LYPD6B: variants seen among roughly 807,000 people sequenced by gnomAD.
The protein encoded by LYPD6B is LY6/PLAUR domain containing 6B.
A neutral mutation model predicts 22.8 loss-of-function variants in LYPD6B; 17 were observed. The observed-to-expected ratio is 0.75, with a 90% CI of 0.51 to 1.12. The LOEUF (loss-of-function observed/expected upper bound fraction) is 1.12. Ranked by LOEUF, LYPD6B falls within the 50% of genes most tolerant of loss-of-function variation. The pLI, the probability that LYPD6B is intolerant of heterozygous loss-of-function variation, is 0.00. For missense variants in LYPD6B, 221 were observed against 258.3 expected (o/e 0.86, Z 0.99); for synonymous variants, 106 against 91.6 (o/e 1.16, Z -0.90).
At chr2:149,063,114 A>T (rs1372180089) in intron 1 of LYPD6B, among the ~76,000 whole-genome samples, 2 of 152,168 alleles carry the variant, frequency 1.3e-5, no homozygotes, top group African/African-American at 2.4e-5. Context: ...TAGAAACCTA[A>T]CAAGTGCAAA....
intron 2 of LYPD6B, among the ~76,000 whole-genome samples, chr2:149,139,413 C>G (rs1688554886): frequency 6.6e-6 from 1 of 152,348 alleles, no homozygotes; most frequent in African/African-American, 2.4e-5. Context: ...CAGATATAAT[C>G]TGCCGCTTCA....
intron 3 of LYPD6B, among the ~76,000 whole-genome samples, chr2:149,171,612 A>T (rs1690830124): frequency 6.6e-6 from 1 of 151,820 alleles, no homozygotes; most frequent in Non-Finnish European, 1.5e-5. Flanking sequence ...AGAGGAAAGG[A>T]GTATATGGAA....
chr2:149,175,053 C>CTGTGTG (rs1347438901), intron 3 of LYPD6B, among the ~76,000 whole-genome samples: 1 of 133,854 alleles, frequency 7.5e-6, no homozygotes, highest in Non-Finnish European at 1.6e-5. Flanking sequence ...CTCTCTCTCT[C>CTGTGTG]TCTCTCTCTG....
chr2:149,143,762 A>G (rs1344254165), intron 2 of LYPD6B: 1 of 152,236 alleles, frequency 6.6e-6, no homozygotes, highest in Admixed American at 6.5e-5. Context: ...AGAATATTTA[A>G]CAGATTTCTT....
intron 1 of LYPD6B, among the ~76,000 whole-genome samples, chr2:149,093,695 A>T (rs2105451586): frequency 6.6e-6 from 1 of 152,326 alleles, no homozygotes; most frequent in South Asian, 2.1e-4. Flanking sequence ...CGTTAGAAAC[A>T]ATTTGTGGTT....
At position 149,163,361 on chromosome 2, in the gene LYPD6B, C is replaced by T. The variant is rs554714064; in HGVS notation, c.77+2526C>T. ...ACTTTTATATAATTCTTGCCATTCC[C>T]GCCTCTGCACCCTCAACAAACTTCT... On this transcript the variant is annotated intron_variant, in intron 3 of 6. Coordinates refer to ENST00000409642, the MANE Select transcript of LYPD6B (RefSeq NM_177964.5). Among the ~76,000 whole-genome samples, 5 of 152,170 alleles carry T rather than the reference C, an allele frequency of 3.3e-5. No individual in the cohort carries two copies. In the East Asian group the frequency reaches 5.8e-4, roughly 18 times the overall value.
chr2:149,104,553 T>C (rs1328765699), intron 1 of LYPD6B, among the ~76,000 whole-genome samples: 1 of 152,232 alleles, frequency 6.6e-6, no homozygotes, highest in Admixed American at 6.5e-5. Context: ...TGTCTGCCCA[T>C]TTAAAAATTT....
At chr2:149,093,143 A>T (rs1208115240) in intron 1 of LYPD6B, among the ~76,000 whole-genome samples, 1 of 152,216 alleles carries the variant, frequency 6.6e-6, no homozygotes, top group African/African-American at 2.4e-5. Context: ...GGCAGGGAGC[A>T]GAGGAAGACA....
At chr2:149,120,383 A>ATATTTTTT (rs1327065975) in intron 1 of LYPD6B, among the ~76,000 whole-genome samples, 8 of 48,612 alleles carry the variant, frequency 1.6e-4, no homozygotes, top group East Asian at 1.5e-3. Flanking sequence ...ATATATATAT[A>ATATTTTTT]TTTTTTTTTT....
intron 1 of LYPD6B, among the ~76,000 whole-genome samples, chr2:149,053,383 C>T (rs964504755): frequency 2.0e-5 from 3 of 152,102 alleles, no homozygotes; most frequent in African/African-American, 7.2e-5. Flanking sequence ...TATTTTGATA[C>T]TATAAACAAC....
chr2:149,084,580 G>A (rs913352509), intron 1 of LYPD6B, among the ~76,000 whole-genome samples: 1 of 152,206 alleles, frequency 6.6e-6, no homozygotes, highest in Non-Finnish European at 1.5e-5. Context: ...TGTGGAGAAT[G>A]CATTAAGAAA....
At chr2:149,108,618 A>G (rs1686611761) in intron 1 of LYPD6B, among the ~76,000 whole-genome samples, 1 of 152,314 alleles carries the variant, frequency 6.6e-6, no homozygotes, top group African/African-American at 2.4e-5. Flanking sequence ...TAGGCAGCAT[A>G]TGATTGGATC....
chr2:149,154,155 C>T (rs1313926412), intron 2 of LYPD6B: 1 of 253,894 alleles, frequency 3.9e-6, no homozygotes, highest in Non-Finnish European at 6.1e-6. Context: ...GTTCCAACCC[C>T]TAGTACCTTT....
intron 1 of LYPD6B, among the ~76,000 whole-genome samples, chr2:149,110,522 G>C (rs1686706037): frequency 6.6e-6 from 1 of 152,160 alleles, no homozygotes. Context: ...CAGGATCATA[G>C]CAGCATTTAG....
At chr2:149,180,892 G>A (rs1175420201) in intron 3 of LYPD6B, among the ~76,000 whole-genome samples, 2 of 152,212 alleles carry the variant, frequency 1.3e-5, no homozygotes, top group Non-Finnish European at 2.9e-5. Flanking sequence ...AGGCCTCTCA[G>A]TGGGCCTCAC....
chr2:149,091,306 G>T (rs1173933662), intron 1 of LYPD6B, among the ~76,000 whole-genome samples: 1 of 150,802 alleles, frequency 6.6e-6, no homozygotes, highest in Non-Finnish European at 1.5e-5. Context: ...TATGTGTAAA[G>T]ATTACATAAA....
intron 5 of LYPD6B, among the ~76,000 whole-genome samples, chr2:149,210,928 G>A (rs2106173297): frequency 6.6e-6 from 1 of 152,260 alleles, no homozygotes; most frequent in Non-Finnish European, 1.5e-5. Flanking sequence ...CTGAGACTGG[G>A]TCATTTATAA....
At chr2:149,101,814 C>A (rs554063046) in intron 1 of LYPD6B, among the ~76,000 whole-genome samples, 3 of 152,328 alleles carry the variant, frequency 2.0e-5, no homozygotes, top group African/African-American at 7.2e-5. Flanking sequence ...CTCAGAAAGA[C>A]AGGCTCTCAA....
chr2:149,069,329 T>G (rs935864473), intron 1 of LYPD6B, among the ~76,000 whole-genome samples: 1 of 152,148 alleles, frequency 6.6e-6, no homozygotes, highest in Non-Finnish European at 1.5e-5. Context: ...GGACATGCCT[T>G]GTAGTTGTGC....
Sources: gnomAD v4.1 joint callset for allele counts (sites outside exome capture counted in the v4.1 genomes callset) on GRCh38, gnomAD v4.1.1 for gene constraint, MANE v1.5 for transcripts, NCBI Gene and HGNC (gene_info 2026-07-23, HGNC 2026-07-21) for gene names.